Variants in NAALADL2 observed in about 807,000 individuals in gnomAD.
NAALADL2 encodes the protein inactive N-acetylated-alpha-linked acidic dipeptidase-like protein 2.
In NAALADL2, 76 loss-of-function variants were observed where a neutral mutation model predicts 87.2. That is an observed-to-expected ratio of 0.87 (90% CI 0.72 to 1.05). The LOEUF is 1.05. Ranked by LOEUF, NAALADL2 falls within the 50% of genes least tolerant of loss-of-function variation. The pLI, the probability that NAALADL2 is intolerant of heterozygous loss-of-function variation, is 0.00. For synonymous variants in NAALADL2, 354 were observed against 331.0 expected (o/e 1.07, Z -0.75); for missense variants, 1,089 against 945.8 (o/e 1.15, Z -1.99).
At chr3:174,595,613 A>C (rs1717814409) in intron 2 of NAALADL2, among the ~76,000 whole-genome samples, 1 of 152,112 alleles carries the variant, frequency 6.6e-6, no homozygotes, top group African/African-American at 2.4e-5. Context: ...TTTTCTTTTG[A>C]AAAGAGGTTA....
chr3:175,236,697 T>A (rs1745960004), intron 3 of NAALADL2, among the ~76,000 whole-genome samples: 1 of 152,126 alleles, frequency 6.6e-6, no homozygotes, highest in African/African-American at 2.4e-5. Context: ...GAGAAGGTCA[T>A]TTGGAAGAAT....
chr3:175,088,854 A>G (rs1022969790), intron 1 of NAALADL2, among the ~76,000 whole-genome samples: 2 of 152,168 alleles, frequency 1.3e-5, no homozygotes, highest in South Asian at 2.1e-4. Context: ...TTAACTCTTG[A>G]CACACTTTGA....
chr3:174,817,913 T>C (rs562879954), intron 3 of NAALADL2, among the ~76,000 whole-genome samples: 2 of 152,202 alleles, frequency 1.3e-5, no homozygotes, highest in Non-Finnish European at 2.9e-5. Flanking sequence ...ATTAGCTACA[T>C]GCTCACTGTC....
At chr3:175,275,878 T>C (rs1282366707) in intron 4 of NAALADL2, among the ~76,000 whole-genome samples, 1 of 150,912 alleles carries the variant, frequency 6.6e-6, no homozygotes, top group Non-Finnish European at 1.5e-5. Context: ...ATAATAATGA[T>C]AGTAAGAAAA....
At chr3:174,808,040 C>G (rs1399804) in intron 3 of NAALADL2, among the ~76,000 whole-genome samples, 1 of 151,686 alleles carries the variant, frequency 6.6e-6, no homozygotes, top group Admixed American at 6.6e-5. Context: ...GTACATTATC[C>G]GTAAAAATAT....
intron 2 of NAALADL2, among the ~76,000 whole-genome samples, chr3:174,677,723 C>T (rs983456863): frequency 3.3e-5 from 5 of 152,108 alleles, no homozygotes; most frequent in African/African-American, 1.2e-4. Context: ...TAACACTGAA[C>T]TCATGGTCGA....
intron 3 of NAALADL2, among the ~76,000 whole-genome samples, chr3:174,806,935 T>C (rs7627436): frequency 4.2e-4 from 64 of 152,224 alleles, no homozygotes; most frequent in African/African-American, 1.5e-3. Context: ...AGGAGAAACA[T>C]CATTGTCCTT....
At chr3:175,009,841 T>G (rs1579994000) in intron 1 of NAALADL2, among the ~76,000 whole-genome samples, 1 of 152,136 alleles carries the variant, frequency 6.6e-6, no homozygotes, top group Non-Finnish European at 1.5e-5. Flanking sequence ...ATTTCTTGAT[T>G]TTTACATTTA....
At chr3:175,740,079 A>T (rs567325839) in intron 12 of NAALADL2, among the ~76,000 whole-genome samples, 5 of 152,270 alleles carry the variant, frequency 3.3e-5, no homozygotes, top group African/African-American at 1.2e-4. Context: ...AGAAACTGGG[A>T]TAAAGGTACA....
chr3:175,067,006 A>G (rs1203626842), intron 1 of NAALADL2, among the ~76,000 whole-genome samples: 1 of 152,152 alleles, frequency 6.6e-6, no homozygotes, highest in African/African-American at 2.4e-5. Flanking sequence ...CTAAGCACTC[A>G]ATACTGAATC....
chr3:175,776,129 A>G (rs957880446), intron 13 of NAALADL2: 2 of 152,068 alleles, frequency 1.3e-5, no homozygotes, highest in Non-Finnish European at 2.9e-5. Context: ...ATTTCTACAC[A>G]TTATCAATCG....
chr3:174,519,680 C>T (rs1720153970), intron 1 of NAALADL2, among the ~76,000 whole-genome samples: 1 of 151,776 alleles, frequency 6.6e-6, no homozygotes, highest in Non-Finnish European at 1.5e-5. Flanking sequence ...CTTCTCTTAC[C>T]CTTCTGTTTT....
intron 2 of NAALADL2, among the ~76,000 whole-genome samples, chr3:175,128,233 T>G (rs928895133): frequency 6.6e-6 from 1 of 152,200 alleles, no homozygotes; most frequent in Non-Finnish European, 1.5e-5. Flanking sequence ...ATTTAAAGCA[T>G]TTTTAATTGT....
intron 9 of NAALADL2, among the ~76,000 whole-genome samples, chr3:175,512,902 T>C (rs558194968): frequency 4.9e-4 from 74 of 152,178 alleles, no homozygotes; most frequent in Non-Finnish European, 8.1e-4. Flanking sequence ...AAATTCAGAG[T>C]TGAGCTGCTA....
At chr3:174,533,496 G>C (rs1304685639) in intron 1 of NAALADL2, among the ~76,000 whole-genome samples, 1 of 152,022 alleles carries the variant, frequency 6.6e-6, no homozygotes, top group Non-Finnish European at 1.5e-5. Flanking sequence ...CATCCAGCAA[G>C]GGTAGTCTAG....
chr3:175,644,359 GTAAA>G (rs1389514235), intron 11 of NAALADL2, among the ~76,000 whole-genome samples: 3 of 151,822 alleles, frequency 2.0e-5, no homozygotes, highest in Non-Finnish European at 4.4e-5. Context: ...CCTATTCTGA[GTAAA>G]TATTCTTATA....
At chr3:174,635,581 C>A (rs1217517652) in intron 2 of NAALADL2, among the ~76,000 whole-genome samples, 1 of 150,988 alleles carries the variant, frequency 6.6e-6, no homozygotes, top group South Asian at 2.1e-4. Flanking sequence ...CGGCTCACTG[C>A]AACTTCTGCC....
At chr3:175,578,531 T>C (rs1025756451) in intron 10 of NAALADL2, among the ~76,000 whole-genome samples, 1 of 152,210 alleles carries the variant, frequency 6.6e-6, no homozygotes, top group Non-Finnish European at 1.5e-5. Flanking sequence ...TTATACCCCT[T>C]ATATCATTTA....
At chr3:174,810,290 CAGGAAAATTT>C (rs547186949) in intron 3 of NAALADL2, among the ~76,000 whole-genome samples, 147 of 152,094 alleles carry the variant, frequency 9.7e-4, no homozygotes, top group African/African-American at 3.5e-3. Context: ...CAAGAAGATA[CAGGAAAATTT>C]GAAACTCCCT....
Sources: gnomAD v4.1 joint callset for allele counts (sites outside exome capture counted in the v4.1 genomes callset) on GRCh38, gnomAD v4.1.1 for gene constraint, MANE v1.5 for transcripts, NCBI Gene and HGNC (gene_info 2026-07-23, HGNC 2026-07-21) for gene names.